Variants in PYROXD1 observed in about 807,000 individuals in gnomAD.
PYROXD1 encodes the protein pyridine nucleotide-disulphide oxidoreductase domain 1, also known as tRNA ligase complex-associated NAD(P)H dehydrogenase PYROXD1.
A neutral mutation model predicts 62.0 loss-of-function variants in PYROXD1; 42 were observed. The observed-to-expected ratio is 0.68, with a 90% CI of 0.53 to 0.88. The LOEUF (loss-of-function observed/expected upper bound fraction) is 0.88, where lower values mean the gene tolerates loss of function less well. Ranked by LOEUF, PYROXD1 falls within the 40% of genes least tolerant of loss-of-function variation. The probability of loss-of-function intolerance (pLI) is 0.00; values close to 1 mark genes in which losing one functional copy is unlikely to be tolerated. For missense variants in PYROXD1, 493 were observed against 604.8 expected, an observed-to-expected ratio of 0.82 and a Z score of 1.94; for synonymous variants, 170 against 206.4, an observed-to-expected ratio of 0.82 and a Z score of 1.51.
rs761568170 is a variant in PYROXD1, at chr12:21,462,114, T to G, written c.987T>G (p.Gly329=). ...CAAATGTAGAACCTTTTCTCCATGG[T>G]AACAGTGTAAGGTGAAATTTTTTTG... The part of the protein sequence containing the change: ...VTPNVEPFLH[G]NSFDLGEDGG... Residue 329 remains glycine, a synonymous_variant, in exon 9 of 12, where the codon GGT becomes GGG. Coordinates refer to ENST00000240651, the MANE Select transcript of PYROXD1 (RefSeq NM_024854.5). The G allele has an allele frequency of 6.3e-7, 1 of 1,599,210 alleles. No homozygotes were observed. Among genetic ancestry groups the G allele is most frequent in the Non-Finnish European group, 8.6e-7 (1 of 1,166,964 alleles).
At chr12:21,451,240 A>AAT (rs1942491791) in intron 4 of PYROXD1, among the ~76,000 whole-genome samples, 6 of 148,842 alleles carry the variant, frequency 4.0e-5, no homozygotes, top group Admixed American at 6.7e-5. Flanking sequence ...TTTTTTTTTT[A>AAT]ATATATCTAT....
chr12:21,460,174 A>G (rs952257021), intron 7 of PYROXD1, among the ~76,000 whole-genome samples: 1 of 152,062 alleles, frequency 6.6e-6, no homozygotes, highest in Admixed American at 6.6e-5. Flanking sequence ...TGCACGGTGT[A>G]TCTAATTTTT....
rs767194048 is a variant in PYROXD1 at position 21,461,008 on chromosome 12, T to C, written c.751-17T>C. ...TTTCTGTAAGTATTATGCTAACCAG[T>C]ATTTTCTTAATTTTAGTTTTCTCAT... On this transcript the variant is annotated splice_polypyrimidine_tract_variant and intron_variant, in intron 7 of 11. Coordinates refer to ENST00000240651, the MANE Select transcript of PYROXD1 (RefSeq NM_024854.5). The C allele has an allele frequency of 1.0e-5, 15 of 1,469,764 alleles. No individual in the cohort carries two copies. The South Asian group carries it at 1.9e-4, about 19-fold the overall frequency. 91.0% of individuals were successfully genotyped at this position (1,469,764 alleles called of 1,614,324 possible).
chr12:21,441,749 A>C (rs2137240684), intron 2 of PYROXD1, among the ~76,000 whole-genome samples: 1 of 152,336 alleles, frequency 6.6e-6, no homozygotes, highest in East Asian at 1.9e-4. Flanking sequence ...ATTCTTAGGC[A>C]GTTCTGACAT....
chr12:21,460,549 G>A (rs1332561316), intron 7 of PYROXD1, among the ~76,000 whole-genome samples: 5 of 151,486 alleles, frequency 3.3e-5, no homozygotes, highest in African/African-American at 4.8e-5. Flanking sequence ...TCAGCCTCCC[G>A]AGTAGCTGGG....
At chr12:21,441,658 G>C (rs55743041) in intron 2 of PYROXD1, among the ~76,000 whole-genome samples, 2,252 of 151,988 alleles carry the variant, frequency 0.015, 46 homozygotes, top group African/African-American at 0.047. Context: ...TTTTGTTTTG[G>C]TTGCTTATTG....
intron 1 of PYROXD1, among the ~76,000 whole-genome samples, chr12:21,438,716 T>A (rs920495316): frequency 1.3e-5 from 2 of 152,236 alleles, no homozygotes; most frequent in African/African-American, 4.8e-5. Context: ...TACATTATTT[T>A]GTTGATATAA....
Position 21,456,100 on chromosome 12 carries a change from C to G in PYROXD1, c.750+5C>G, listed in dbSNP as rs745549091. On this transcript the variant is annotated splice_donor_5th_base_variant and intron_variant, in intron 7 of 11. Transcript: ENST00000240651. ...AATCTTAAAGGAACAAAAGAGGTAT[C>G]TTTTCATATACTAATTGGTCATGTC... The G allele has an allele frequency of 6.5e-7, 1 of 1,528,468 alleles. No homozygotes were observed. The highest frequency in any genetic ancestry group is 1.1e-5 in the South Asian group (1 of 87,680). The allele number at this position is 1,528,468 out of a possible 1,614,324, so 94.7% of individuals were successfully genotyped here. A position where few individuals can be genotyped will look rare whatever the true frequency, so the allele number is the denominator to read the frequency against.
At position 21,453,215 on chromosome 12, in the gene PYROXD1, A is replaced by G. The variant is rs201095888; in HGVS notation, c.488+1061A>G. Among the ~76,000 whole-genome samples, 20 of 152,220 alleles carry G rather than the reference A, an allele frequency of 1.3e-4. No individual in the cohort carries two copies. The East Asian group carries it at 2.3e-3, about 18-fold the overall frequency. ...ATTGTTATTTACATTTAAAAATTTT[A>G]TGTTCAAAAATGTTCAGAGTCTTAC... On this transcript the variant is annotated intron_variant, in intron 5 of 11. Coordinates refer to ENST00000240651, the MANE Select transcript of PYROXD1 (RefSeq NM_024854.5).
chr12:21,461,209 A>G (rs1942692972), intron 8 of PYROXD1, 55 bp downstream of exon 8: 1 of 287,080 alleles, frequency 3.5e-6, no homozygotes, highest in Admixed American at 1.1e-4. Context: ...AAGGAAAACA[A>G]TTTAATCCTG....
At chr12:21,446,504 A>G (rs1942391613) in intron 3 of PYROXD1, among the ~76,000 whole-genome samples, 1 of 129,008 alleles carries the variant, frequency 7.8e-6, no homozygotes, top group Admixed American at 8.1e-5. Context: ...CATCAATGAT[A>G]AAATAGATTT....
chr12:21,442,596 A>G (rs1423277387), intron 2 of PYROXD1, among the ~76,000 whole-genome samples: 1 of 151,972 alleles, frequency 6.6e-6, no homozygotes, highest in East Asian at 1.9e-4. Flanking sequence ...AGGCATTCTC[A>G]GAGTGACCAT....
chr12:21,446,424 CAAA>C (rs1350082584), intron 3 of PYROXD1, among the ~76,000 whole-genome samples: 1 of 150,004 alleles, frequency 6.7e-6, no homozygotes, highest in East Asian at 2.0e-4. Context: ...GACTCCTTCT[CAAA>C]AAAAAGAGAG....
chr12:21,455,614 AT>A (rs149531588), intron 6 of PYROXD1, among the ~76,000 whole-genome samples: 3,554 of 151,802 alleles, frequency 0.023, 133 homozygotes, highest in African/African-American at 0.08. Flanking sequence ...CAAACTTCAT[AT>A]TTTTTTAAGT....
chr12:21,468,646 C>T lies in PYROXD1; in HGVS notation c.1395C>T (p.Thr465=), dbSNP rs771041194. Residue 465 remains threonine (T), a synonymous_variant, in exon 12 of 12, where the codon ACC becomes ACT. Coordinates refer to ENST00000240651, the MANE Select transcript of PYROXD1 (RefSeq NM_024854.5). ...TGGGAGCTGTCTTAATTGGTGAAAC[C>T]GATTTAGAAGAAACATTTGAAAACC... is the stretch of plus-strand genomic sequence containing the variant. ...RMMGAVLIGE[T]DLEETFENLI... 22 of 1,612,608 alleles carry T rather than the reference C, an allele frequency of 1.4e-5. No homozygotes were observed. In the Admixed American group the frequency reaches 2.0e-4, roughly 15 times the overall value.
chr12:21,465,877 C>A (rs917415839), intron 10 of PYROXD1, among the ~76,000 whole-genome samples: 3 of 152,148 alleles, frequency 2.0e-5, no homozygotes, highest in African/African-American at 7.2e-5. Flanking sequence ...TTTCAGCTTT[C>A]TACATATGGC....
chr12:21,455,401 G>A, intron 6 of PYROXD1, 109 bp downstream of exon 6: 1 of 475,700 alleles, frequency 2.1e-6, no homozygotes, highest in East Asian at 3.9e-5. Flanking sequence ...TAGTAATATG[G>A]ATATTTATAT....
chr12:21,457,648 A>G (rs928856683), intron 7 of PYROXD1, among the ~76,000 whole-genome samples: 4 of 152,068 alleles, frequency 2.6e-5, no homozygotes, highest in Admixed American at 6.6e-5. Flanking sequence ...GAAACTTTCA[A>G]TCACGGGGGA....
chr12:21,468,326 T>C (rs1383360854), intron 11 of PYROXD1, among the ~76,000 whole-genome samples, 180 bp from the exon 12 acceptor site: 1 of 152,098 alleles, frequency 6.6e-6, no homozygotes, highest in Non-Finnish European at 1.5e-5. Context: ...GATAGTGTCA[T>C]CTGTAGAATT....
Sources: gnomAD v4.1 joint callset for allele counts (sites outside exome capture counted in the v4.1 genomes callset) on GRCh38, gnomAD v4.1.1 for gene constraint, MANE v1.5 for transcripts, NCBI Gene and HGNC (gene_info 2026-07-23, HGNC 2026-07-21) for gene names.